SYBU: variants seen among roughly 807,000 people sequenced by gnomAD.
The protein encoded by SYBU is GOLSYN A protein.
SYBU carries 21 observed loss-of-function variants against 35.9 expected under a neutral mutation model. That is an observed-to-expected ratio of 0.58 (90% CI 0.41 to 0.84). SYBU has a LOEUF of 0.84. Ranked by LOEUF, SYBU falls within the 40% of genes least tolerant of loss-of-function variation. SYBU has a pLI of 0.00. For synonymous variants in SYBU, 319 were observed against 324.3 expected (o/e 0.98, Z 0.18); for missense variants, 768 against 848.2 (o/e 0.91, Z 1.17).
rs765669990 is a variant in SYBU at position 109,642,805 on chromosome 8, T to C, written c.152A>G (p.Glu51Gly). ...GGGGTTGAACTCTCTGCTCTCTTCC[T>C]CAGAGAAAGGAGACTCAGAGGCTGG... ...VSPASESPFS[E>G]EESREFNPSS... The change falls in exon 2 of 7, where the codon GAG (glutamate) becomes GGG (glycine). Residue 51 changes from glutamate (E) to glycine (G), a missense_variant. Glu to Gly is a moderately conservative substitution (Grantham distance 98). Coordinates refer to ENST00000276646, the MANE Select transcript of SYBU (RefSeq NM_001099754.2). The C allele has an allele frequency of 3.7e-6, 6 of 1,613,628 alleles. No homozygotes were observed. The highest frequency in any genetic ancestry group is 5.1e-6 in the Non-Finnish European group (6 of 1,179,832).
intron 3 of SYBU, among the ~76,000 whole-genome samples, chr8:109,611,413 G>A (rs1396402985): frequency 1.3e-5 from 2 of 151,858 alleles, no homozygotes; most frequent in African/African-American, 2.4e-5. Context: ...AGAAAGGCAT[G>A]AGAGAAAATA....
At chr8:109,643,108 T>G in intron 1 of SYBU, 176 bp from the exon 2 acceptor site, 1 of 1,347,478 alleles carries the variant, frequency 7.4e-7, no homozygotes, top group Non-Finnish European at 9.5e-7. Flanking sequence ...TTCCAATGAG[T>G]TAACCTTTCT....
At chr8:109,592,192 G>A (rs1265001578) in intron 3 of SYBU, among the ~76,000 whole-genome samples, 1 of 152,024 alleles carries the variant, frequency 6.6e-6, no homozygotes, top group Non-Finnish European at 1.5e-5. Context: ...CCCTTAAAAA[G>A]ACCTATAATA....
At chr8:109,680,831 C>T (rs1319602756) in exon 1 of SYBU, 1 of 152,234 alleles carries the variant, frequency 6.6e-6, no homozygotes, top group Non-Finnish European at 1.5e-5. Flanking sequence ...AGTCAAATGG[C>T]TGTGCCTTCT....
intron 3 of SYBU, among the ~76,000 whole-genome samples, chr8:109,595,713 C>A (rs1379411509): frequency 6.6e-6 from 1 of 152,156 alleles, no homozygotes; most frequent in Non-Finnish European, 1.5e-5. Flanking sequence ...GTGGAGACAG[C>A]ACAGTGTGAA....
chr8:109,679,855 T>G (rs1445688482), intron 1 of SYBU, among the ~76,000 whole-genome samples: 1 of 152,216 alleles, frequency 6.6e-6, no homozygotes, highest in East Asian at 1.9e-4. Flanking sequence ...TAATGCCAAA[T>G]GGTATTGGAG....
intron 3 of SYBU, among the ~76,000 whole-genome samples, chr8:109,595,474 T>C (rs1466232692): frequency 6.6e-6 from 1 of 152,204 alleles, no homozygotes; most frequent in Non-Finnish European, 1.5e-5. Flanking sequence ...CATCAGTTCA[T>C]ATTTGTGTGT....
chr8:109,576,096 AGGCAGTTCT>A, intron 6 of SYBU, 83 bp from the exon 7 acceptor site: 3 of 1,428,878 alleles, frequency 2.1e-6, no homozygotes, highest in Non-Finnish European at 2.7e-6. Context: ...CAGGCAGTTC[AGGCAGTTCT>A]GGCACAGAGC....
At chr8:109,590,757 C>T (rs1435548255) in intron 3 of SYBU, among the ~76,000 whole-genome samples, 2 of 117,238 alleles carry the variant, frequency 1.7e-5, no homozygotes, top group Non-Finnish European at 3.2e-5. Flanking sequence ...ACCAGAAGCT[C>T]ATAAAATTAG....
chr8:109,654,461 C>T (rs915046436), intron 1 of SYBU, among the ~76,000 whole-genome samples: 2 of 152,200 alleles, frequency 1.3e-5, no homozygotes, highest in African/African-American at 2.4e-5. Flanking sequence ...TCTTCCCCTA[C>T]TTCTTGGTAT....
At chr8:109,606,412 G>C (rs1826073335) in intron 3 of SYBU, among the ~76,000 whole-genome samples, 2 of 152,176 alleles carry the variant, frequency 1.3e-5, no homozygotes, top group Admixed American at 1.3e-4. Context: ...CCACTACATA[G>C]AGGAAAGAAA....
intron 3 of SYBU, among the ~76,000 whole-genome samples, chr8:109,605,424 C>T (rs1466782610): frequency 3.3e-5 from 5 of 152,154 alleles, no homozygotes; most frequent in Admixed American, 1.3e-4. Flanking sequence ...AGTTCCCAGC[C>T]TCTCAAGACC....
chr8:109,640,171 AG>A (rs1563753172), intron 2 of SYBU, among the ~76,000 whole-genome samples: 1 of 152,154 alleles, frequency 6.6e-6, no homozygotes, highest in Admixed American at 6.5e-5. Context: ...TCTAGTTAAT[AG>A]CAAAAAGATC....
chr8:109,671,301 A>G (rs1816971503), intron 1 of SYBU, among the ~76,000 whole-genome samples: 1 of 152,066 alleles, frequency 6.6e-6, no homozygotes. Flanking sequence ...ATTTGAGTGC[A>G]TATTTCATAA....
Position 109,604,854 on chromosome 8 carries a change from T to C in SYBU, c.427+13988A>G, listed in dbSNP as rs1825908208. 2.0e-5 allele frequency among the ~76,000 whole-genome samples: 3 copies of C among 152,164 alleles called. No individual in the cohort carries two copies. In the South Asian group the frequency reaches 6.2e-4, roughly 32 times the overall value. On this transcript the variant is annotated intron_variant, in intron 3 of 6. Coordinates refer to ENST00000276646, the MANE Select transcript of SYBU (RefSeq NM_001099754.2). ...CGGATACAGGCATAGCCTTCATCTT[T>C]CAAGAACAGTCAGGCCCGCCAGTAG...
intron 4 of SYBU, 181 bp from the exon 5 acceptor site, chr8:109,580,183 G>C (rs1248557980): frequency 5.1e-6 from 3 of 593,244 alleles, no homozygotes; most frequent in Non-Finnish European, 9.0e-6. Context: ...TTCTCTCCTT[G>C]TGACATCAGC....
intron 6 of SYBU, among the ~76,000 whole-genome samples, chr8:109,576,753 TTTG>T (rs1822366836): frequency 6.6e-6 from 1 of 152,220 alleles, no homozygotes; most frequent in South Asian, 2.1e-4. Flanking sequence ...TTTCAAGATC[TTTG>T]TATATAAATT....
chr8:109,615,673 A>C (rs1811655472), intron 3 of SYBU, among the ~76,000 whole-genome samples: 2 of 152,174 alleles, frequency 1.3e-5, no homozygotes, highest in Admixed American at 6.5e-5. Context: ...CCAGCTAAAA[A>C]CTGCTCAGGT....
chr8:109,657,556 C>T (rs990755576), intron 1 of SYBU, among the ~76,000 whole-genome samples: 1 of 152,202 alleles, frequency 6.6e-6, no homozygotes. Flanking sequence ...GCATTCTATT[C>T]CTGTAACCTG....
Sources: gnomAD v4.1 joint callset for allele counts (sites outside exome capture counted in the v4.1 genomes callset) on GRCh38, gnomAD v4.1.1 for gene constraint, MANE v1.5 for transcripts, NCBI Gene and HGNC (gene_info 2026-07-23, HGNC 2026-07-21) for gene names.